Variants in OCA2 observed in about 807,000 individuals in gnomAD.
The protein encoded by OCA2 is P protein.
Under a neutral mutation model 100.2 loss-of-function variants are expected in OCA2, and 77 were observed. The observed-to-expected ratio is 0.77, with a 90% confidence interval of 0.64 to 0.93. The LOEUF (loss-of-function observed/expected upper bound fraction) is 0.93. OCA2 is among the 40% of genes least tolerant of loss of function. The probability of loss-of-function intolerance (pLI) is 0.00; values close to 1 mark genes in which losing one functional copy is unlikely to be tolerated. For missense variants in OCA2, 1,062 were observed against 1,089.1 expected (o/e 0.98, Z 0.35); for synonymous variants, 432 against 439.2 (o/e 0.98, Z 0.21).
chr15:27,847,934 C>T (rs1389704006), intron 22 of OCA2, among the ~76,000 whole-genome samples: 1 of 152,206 alleles, frequency 6.6e-6, no homozygotes, highest in Non-Finnish European at 1.5e-5. Flanking sequence ...GGACCTGCTC[C>T]CTGCACCTGT....
chr15:27,972,337 T>A (rs2040818577), intron 14 of OCA2, among the ~76,000 whole-genome samples: 1 of 152,184 alleles, frequency 6.6e-6, no homozygotes, highest in Admixed American at 6.5e-5. Context: ...TTTGATATAA[T>A]GACTTCTTTT....
At chr15:28,056,260 G>A (rs1022314120) in intron 2 of OCA2, among the ~76,000 whole-genome samples, 26 of 152,314 alleles carry the variant, frequency 1.7e-4, no homozygotes, top group African/African-American at 6.3e-4. Context: ...ACATGAAACA[G>A]TCCACTTGGC....
At chr15:27,886,884 T>C (rs944675259) in intron 19 of OCA2, among the ~76,000 whole-genome samples, 10 of 152,120 alleles carry the variant, frequency 6.6e-5, no homozygotes, top group Admixed American at 2.6e-4. Context: ...AGGAAACTGT[T>C]TGGGATCTGA....
intron 21 of OCA2, among the ~76,000 whole-genome samples, chr15:27,852,519 A>T (rs1319657108): frequency 2.6e-5 from 4 of 152,194 alleles, no homozygotes; most frequent in African/African-American, 9.7e-5. Context: ...ATGGGCAAGG[A>T]CTTCATGTCT....
intron 14 of OCA2, 31 bp downstream of exon 14, chr15:27,983,314 C>T: frequency 6.2e-7 from 1 of 1,613,840 alleles, no homozygotes; most frequent in Non-Finnish European, 8.5e-7. Flanking sequence ...TGTGCGTTTA[C>T]TGGAAGCAAC....
chr15:27,933,550 A>T lies in OCA2; in HGVS notation c.1952-7296T>A, dbSNP rs546790333. Among the ~76,000 whole-genome samples, 3 of 152,324 alleles carry T rather than the reference A, an allele frequency of 2.0e-5. No individual in the cohort carries two copies. In the South Asian group the frequency reaches 6.2e-4, roughly 32 times the overall value. ...TAATCACCTGGGTGCAGGCGAGCTG[A>T]GTTCGAAAAGAGAGTCAGCGAAGGG... is the stretch of plus-strand genomic sequence containing the variant. On this transcript the variant is annotated intron_variant, in intron 18 of 23. Transcript: ENST00000354638.
At chr15:28,007,591 G>C (rs2042125824) in intron 9 of OCA2, among the ~76,000 whole-genome samples, 1 of 152,022 alleles carries the variant, frequency 6.6e-6, no homozygotes, top group African/African-American at 2.4e-5. Flanking sequence ...TTAGCCGGGG[G>C]TGGTGTCTCG....
chr15:27,808,418 G>C (rs138073991), intron 23 of OCA2, among the ~76,000 whole-genome samples: 1 of 152,186 alleles, frequency 6.6e-6, no homozygotes, highest in Admixed American at 6.5e-5. Context: ...AGCAAGGACC[G>C]CTGGGAGGCA....
chr15:28,089,966 A>G (rs761760098), intron 1 of OCA2, among the ~76,000 whole-genome samples: 9 of 152,244 alleles, frequency 5.9e-5, no homozygotes, highest in Non-Finnish European at 1.3e-4. Context: ...ATAAAATTAA[A>G]TAACAATATA....
At chr15:28,080,104 G>A (rs2044571536) in intron 2 of OCA2, among the ~76,000 whole-genome samples, 1 of 152,194 alleles carries the variant, frequency 6.6e-6, no homozygotes, top group African/African-American at 2.4e-5. Context: ...GGACAATCCT[G>A]CTGCCTCATC....
chr15:27,804,735 G>A (rs1232225718), intron 23 of OCA2, among the ~76,000 whole-genome samples: 2 of 152,146 alleles, frequency 1.3e-5, no homozygotes, highest in Non-Finnish European at 2.9e-5. Context: ...AAAGAGGGCT[G>A]GGGCGCCCCT....
chr15:28,045,577 G>C (rs1411658801), intron 2 of OCA2, among the ~76,000 whole-genome samples: 1 of 152,072 alleles, frequency 6.6e-6, no homozygotes, highest in East Asian at 1.9e-4. Flanking sequence ...TCCTCTGATG[G>C]AGCTGGAGCT....
chr15:27,957,617 C>A lies in OCA2; in HGVS notation c.1755G>T (p.Leu585=), dbSNP rs374714659. ...LLGKVLALEH[L]LARRLHTFHR... ...GGAAGGTGTGCAGCCTCCGGGCGAG[C>A]AGGTGCTCCAGTGCCAGCACCTTCC... Residue 585 remains leucine, a synonymous_variant, in exon 16 of 24, where the codon CTG becomes CTT. Coordinates refer to ENST00000354638, the MANE Select transcript of OCA2 (RefSeq NM_000275.3). This position sits in a 1 kb window ranked among gnomAD's most constrained non-coding sequence, Gnocchi z 4.3. The A allele has an allele frequency of 6.2e-7, 1 of 1,612,912 alleles. No individual in the cohort carries two copies. The highest frequency in any genetic ancestry group is 8.5e-7 in the Non-Finnish European group (1 of 1,179,950).
chr15:28,015,416 C>T (rs552625756), intron 8 of OCA2, among the ~76,000 whole-genome samples: 1 of 152,308 alleles, frequency 6.6e-6, no homozygotes, highest in African/African-American at 2.4e-5. Flanking sequence ...TGTCCCCTTC[C>T]TCCAAAAACA....
chr15:27,907,613 C>T (rs2038227772), intron 19 of OCA2, among the ~76,000 whole-genome samples: 1 of 151,860 alleles, frequency 6.6e-6, no homozygotes, highest in South Asian at 2.1e-4. Context: ...CACAATCTAA[C>T]TTGATTAAGG....
intron 23 of OCA2, among the ~76,000 whole-genome samples, chr15:27,767,289 C>T (rs1246372321): frequency 6.6e-6 from 1 of 151,856 alleles, no homozygotes; most frequent in East Asian, 2.0e-4. Context: ...GGGCACACTA[C>T]AACTGCAGGG....
chr15:27,945,117 T>C (rs2039786000), intron 18 of OCA2, among the ~76,000 whole-genome samples: 1 of 152,184 alleles, frequency 6.6e-6, no homozygotes, highest in Admixed American at 6.5e-5. Context: ...TTAGCTGAAA[T>C]GAATCTTACT....
intron 19 of OCA2, among the ~76,000 whole-genome samples, chr15:27,903,455 T>C (rs2703981): frequency 0.2 from 29,865 of 152,212 alleles, 5,157 homozygotes; most frequent in African/African-American, 0.46. Flanking sequence ...AACTCCCACC[T>C]ACTCTCTAGG....
intron 8 of OCA2, 113 bp from the exon 9 acceptor site, chr15:28,015,042 C>A: frequency 9.0e-7 from 1 of 1,115,140 alleles, no homozygotes; most frequent in Non-Finnish European, 1.3e-6. Flanking sequence ...AGCCCAACGC[C>A]CAATCTCACA....
Sources: allele counts gnomAD v4.1 joint callset (sites outside exome capture counted in the v4.1 genomes callset), GRCh38; gene constraint gnomAD v4.1.1; non-coding constraint Gnocchi (gnomAD v3.1); transcripts MANE v1.5; gene names NCBI Gene and HGNC (gene_info 2026-07-23, HGNC 2026-07-21).